The following STK10 variants were observed in gnomAD, a reference collection of about 807,000 sequenced individuals.
The protein encoded by STK10 is serine/threonine kinase 10.
STK10 carries 78 observed loss-of-function variants against 113.8 expected under a neutral mutation model. The observed-to-expected ratio is 0.69, with a 90% CI of 0.57 to 0.83. The LOEUF (loss-of-function observed/expected upper bound fraction) is 0.83, where lower values mean the gene tolerates loss of function less well. Ranked by LOEUF, STK10 falls within the 40% of genes least tolerant of loss-of-function variation. The probability of loss-of-function intolerance (pLI) is 0.00; values close to 1 mark genes in which losing one functional copy is unlikely to be tolerated. For synonymous variants in STK10, 465 were observed against 494.7 expected (o/e 0.94, Z 0.80); for missense variants, 1,109 against 1,280.1 (o/e 0.87, Z 2.04).
intron 12 of STK10, among the ~76,000 whole-genome samples, chr5:172,069,850 G>A (rs1219709836): frequency 1.3e-5 from 2 of 152,140 alleles, no homozygotes; most frequent in Non-Finnish European, 2.9e-5. Flanking sequence ...CTCAACAACA[G>A]CAGAATACAC....
At chr5:172,165,900 T>C (rs1444812654) in intron 1 of STK10, among the ~76,000 whole-genome samples, 2 of 152,046 alleles carry the variant, frequency 1.3e-5, no homozygotes, top group Non-Finnish European at 2.9e-5. Flanking sequence ...TTCAAGTGAT[T>C]CTCCTGCCTC....
chr5:172,096,266 C>T (rs114751162), intron 8 of STK10, among the ~76,000 whole-genome samples, 160 bp downstream of exon 8: 3,434 of 152,324 alleles, frequency 0.023, 132 homozygotes, highest in African/African-American at 0.077. Flanking sequence ...GGCCCACATG[C>T]CATCTTACGT....
rs1554114468 is a variant in STK10, at chr5:172,042,740, T to TG, written c.*2141_*2142insC. On this transcript the variant is annotated 3_prime_UTR_variant, in exon 19 of 19. Coordinates refer to ENST00000176763, the MANE Select transcript of STK10 (RefSeq NM_005990.4). ...TCGCTTGTCTCATTTGTGAGAGACCTAAAAAACACCCCCATCTGGGTCAAA... is the reference window on the plus strand; with the variant it reads ...TCGCTTGTCTCATTTGTGAGAGACCTGAAAAAACACCCCCATCTGGGTCAAA... 6.6e-6 allele frequency: 1 copy of TG among 152,174 alleles called. No homozygotes were observed. Among genetic ancestry groups the TG allele is most frequent in the African/African-American group, 2.4e-5 (1 of 41,442 alleles). 9.4% of individuals were successfully genotyped at this position (152,174 alleles called of 1,614,324 possible).
At chr5:172,085,386 T>G (rs938314760) in intron 10 of STK10, among the ~76,000 whole-genome samples, 1 of 151,712 alleles carries the variant, frequency 6.6e-6, no homozygotes, top group African/African-American at 2.4e-5. Flanking sequence ...AATGAGCAAA[T>G]CCATTAAAAA....
chr5:172,051,365 C>T (rs1410591071), intron 18 of STK10, among the ~76,000 whole-genome samples: 1 of 152,136 alleles, frequency 6.6e-6, no homozygotes, highest in Non-Finnish European at 1.5e-5. Context: ...GTTCCCACGC[C>T]TGTAATCCCA....
chr5:172,053,109 C>G, intron 17 of STK10, 67 bp from the exon 18 acceptor site: 1 of 1,308,994 alleles, frequency 7.6e-7, no homozygotes. Context: ...CTGAGACACA[C>G]CTCACGCTGT....
chr5:172,078,568 T>C (rs1247142491), intron 12 of STK10, among the ~76,000 whole-genome samples: 4 of 132,634 alleles, frequency 3.0e-5, no homozygotes, highest in Non-Finnish European at 6.3e-5. Flanking sequence ...AGCCCAGGAG[T>C]TCAAGGCTGC....
At chr5:172,174,545 C>T (rs746478225) in intron 1 of STK10, among the ~76,000 whole-genome samples, 2 of 152,152 alleles carry the variant, frequency 1.3e-5, no homozygotes, top group Non-Finnish European at 2.9e-5. Context: ...ACACAAAGAT[C>T]ACTCCTTGTC....
intron 8 of STK10, among the ~76,000 whole-genome samples, 187 bp downstream of exon 8, chr5:172,096,239 C>A (rs1055737900): frequency 6.6e-6 from 1 of 152,228 alleles, no homozygotes; most frequent in African/African-American, 2.4e-5. Context: ...GGCCAACACC[C>A]CCTGCTGCCT....
At chr5:172,118,515 T>A (rs959986618) in intron 3 of STK10, among the ~76,000 whole-genome samples, 8 of 151,810 alleles carry the variant, frequency 5.3e-5, no homozygotes, top group Admixed American at 2.6e-4. Context: ...AGGAAGAGAA[T>A]AGGTGGGGCG....
chr5:172,070,805 T>C (rs1768161262), intron 12 of STK10, among the ~76,000 whole-genome samples: 1 of 151,868 alleles, frequency 6.6e-6, no homozygotes, highest in Non-Finnish European at 1.5e-5. Context: ...AGAAAGAACA[T>C]CACTATAGAT....
At position 172,106,677 on chromosome 5, in the gene STK10, C is replaced by G; in HGVS notation, c.731G>C (p.Arg244Pro). The change falls in exon 6 of 19, where the codon CGG becomes CCG. Residue 244 changes from arginine (R) to proline (P), a missense_variant. By Grantham distance (103) the Arg-to-Pro change is moderately radical (BLOSUM62 -2). Around this residue, in one of 5 missense-constraint regions of STK10, gnomAD observed 885 missense variants for 991.1 expected, o/e 0.89. Coordinates refer to ENST00000176763, the MANE Select transcript of STK10 (RefSeq NM_005990.4). ...EPPHHELNPM[R>P]VLLKIAKSDP... ...CGACTTGGCGATCTTTAGCAGGACC[C>G]GCATGGGGTTGAGCTCGTGGTGTGG... 6.2e-7 allele frequency: 1 copy of G among 1,613,894 alleles called. No homozygotes were observed. The highest frequency in any genetic ancestry group is 2.2e-5 in the East Asian group (1 of 44,874).
Position 172,064,799 on chromosome 5 carries a change from A to G in STK10, c.2003T>C (p.Val668Ala). ...KLMKKEVKNEVEKLPRQQRKE... is the reference protein window; with the variant it reads ...KLMKKEVKNEAEKLPRQQRKE... ...CCGCTGCTGTCGGGGGAGCTTCTCC[A>G]CCTCGTTCTTCACCTGCAGCAGAGA... Residue 668 changes from valine (V) to alanine (A), a missense_variant, in exon 13 of 19, where the codon GTG becomes GCG. By Grantham distance (64) the Val-to-Ala change is moderately conservative (BLOSUM62 0). Transcript: ENST00000176763. 6.2e-7 allele frequency: 1 copy of G among 1,613,896 alleles called. No individual in the cohort carries two copies. The highest frequency in any genetic ancestry group is 2.2e-5 in the East Asian group (1 of 44,876).
chr5:172,063,531 A>C (rs965184866), intron 13 of STK10: 2 of 152,216 alleles, frequency 1.3e-5, no homozygotes, highest in Admixed American at 6.5e-5. Flanking sequence ...TCCAAGCCAA[A>C]GGATGTGTAC....
intron 10 of STK10, among the ~76,000 whole-genome samples, chr5:172,085,759 C>T (rs1269679840): frequency 6.6e-6 from 1 of 151,926 alleles, no homozygotes; most frequent in Non-Finnish European, 1.5e-5. Flanking sequence ...AAAAACCAAA[C>T]TACTACAGAA....
At chr5:172,084,670 CT>C (rs1158276616) in intron 10 of STK10, among the ~76,000 whole-genome samples, 101 of 144,834 alleles carry the variant, frequency 7.0e-4, no homozygotes, top group South Asian at 6.6e-4. Flanking sequence ...TATCTTCTTT[CT>C]TTTTTTTTTT....
intron 18 of STK10, among the ~76,000 whole-genome samples, chr5:172,048,246 T>C (rs1767538071): frequency 6.6e-6 from 1 of 152,090 alleles, no homozygotes; most frequent in Non-Finnish European, 1.5e-5. Context: ...CTCAATCAGT[T>C]GAAGGCCTTC....
intron 4 of STK10, among the ~76,000 whole-genome samples, chr5:172,109,371 G>A (rs925516614): frequency 3.3e-5 from 5 of 150,690 alleles, no homozygotes; most frequent in African/African-American, 7.3e-5. Context: ...CACCCAAGCT[G>A]GAGTGCAGTG....
intron 1 of STK10, among the ~76,000 whole-genome samples, chr5:172,183,215 A>G (rs894498398): frequency 3.3e-5 from 5 of 152,058 alleles, no homozygotes; most frequent in Non-Finnish European, 1.5e-5. Flanking sequence ...TCTAAAAACA[A>G]ACAAAAAGAA....
Sources: allele counts gnomAD v4.1 joint callset (sites outside exome capture counted in the v4.1 genomes callset), GRCh38; gene constraint gnomAD v4.1.1; regional missense constraint gnomAD v4.1.1; transcripts MANE v1.5; gene names NCBI Gene and HGNC (gene_info 2026-07-23, HGNC 2026-07-21).